Variants in CNST observed in about 807,000 individuals in gnomAD.
The protein encoded by CNST is consortin.
Under a neutral mutation model 72.4 loss-of-function variants are expected in CNST, and 39 were observed. That is an observed-to-expected ratio of 0.54 (90% CI 0.42 to 0.70). The LOEUF (loss-of-function observed/expected upper bound fraction) is 0.70, where lower values mean the gene tolerates loss of function less well. Among genes scored for constraint, CNST ranks in the 30% least tolerant of loss-of-function variants. CNST has a pLI of 0.00. For missense variants in CNST, 871 were observed against 868.5 expected, an observed-to-expected ratio of 1.00 and a Z score of -0.04; for synonymous variants, 332 against 320.1, an observed-to-expected ratio of 1.04 and a Z score of -0.40.
At chr1:246,636,534 T>G (rs1170611828) in intron 6 of CNST, among the ~76,000 whole-genome samples, 1 of 152,202 alleles carries the variant, frequency 6.6e-6, no homozygotes, top group Non-Finnish European at 1.5e-5. Context: ...ATACGTCTGC[T>G]TATGGTTTTT....
chr1:246,654,638 G>T (rs1666673323), intron 9 of CNST, among the ~76,000 whole-genome samples: 1 of 152,256 alleles, frequency 6.6e-6, no homozygotes, highest in East Asian at 1.9e-4. Context: ...TATATTCTCT[G>T]CAAAGCTAAT....
At chr1:246,659,320 T>A (rs12726739) in intron 9 of CNST, among the ~76,000 whole-genome samples, 1 of 151,856 alleles carries the variant, frequency 6.6e-6, no homozygotes, top group African/African-American at 2.4e-5. Flanking sequence ...CCAGGCCGGG[T>A]GCGGTGGCTC....
At chr1:246,619,588 AACTTG>A (rs1450715997) in intron 2 of CNST, among the ~76,000 whole-genome samples, 1 of 152,266 alleles carries the variant, frequency 6.6e-6, no homozygotes, top group African/African-American at 2.4e-5. Flanking sequence ...AGAGGAAAGT[AACTTG>A]ACTTCAAGCT....
chr1:246,585,611 C>A (rs1431184569), intron 1 of CNST, among the ~76,000 whole-genome samples: 11 of 144,546 alleles, frequency 7.6e-5, no homozygotes, highest in South Asian at 2.2e-4. Flanking sequence ...ACACCACTGC[C>A]TTCCAGCCTG....
At position 246,634,402 on chromosome 1, in the gene CNST, CTGTT is replaced by C. The variant is rs760530083; in HGVS notation, c.704-61_704-58del. ...AATCTTTATGAGTGGTGCTAGTTAA[CTGTT>C]TGTTTGTTTTTTTGCTCCTAAATAT... On this transcript the variant is annotated intron_variant, in intron 5 of 10. Transcript: ENST00000366513. 338 of 821,002 alleles carry C rather than the reference CTGTT, an allele frequency of 4.1e-4. 1 individual carries two copies. The highest frequency in any genetic ancestry group is 1.1e-3 in the Admixed American group (40 of 36,898). 50.9% of individuals were successfully genotyped at this position (821,002 alleles called of 1,614,324 possible).
In CNST at chr1:246,666,122, T is replaced by C; in HGVS notation, c.*217T>C. 1 of 541,898 alleles carries C rather than the reference T, an allele frequency of 1.8e-6. No individual in the cohort carries two copies. The highest frequency in any genetic ancestry group is 3.3e-6 in the Non-Finnish European group (1 of 302,438). 33.6% of individuals were successfully genotyped at this position (541,898 alleles called of 1,614,324 possible). On this transcript the variant is annotated 3_prime_UTR_variant, in exon 11 of 11. Coordinates refer to ENST00000366513, the MANE Select transcript of CNST (RefSeq NM_152609.3). The stretch of plus-strand genomic sequence containing the variant: ...ATCTAAGCATTGTGGATGGAAGGAA[T>C]GGTCTTTGGAGAGAGCATATCCATC...
chr1:246,652,320 C>A (rs1016722045), intron 9 of CNST, among the ~76,000 whole-genome samples: 5 of 152,126 alleles, frequency 3.3e-5, no homozygotes, highest in Admixed American at 3.3e-4. Context: ...ACTCAGAGTG[C>A]CAGGATGACC....
At chr1:246,629,984 G>A (rs1262151031) in intron 3 of CNST, among the ~76,000 whole-genome samples, 1 of 152,184 alleles carries the variant, frequency 6.6e-6, no homozygotes, top group African/African-American at 2.4e-5. Flanking sequence ...TGCCTGCTTC[G>A]GTCTCTCAAA....
At chr1:246,576,452 TTAATTGTGTTA>T (rs1366078207) in intron 1 of CNST, among the ~76,000 whole-genome samples, 1 of 60,788 alleles carries the variant, frequency 1.6e-5, no homozygotes, top group Admixed American at 1.7e-4. Flanking sequence ...TTGTTTTGGT[TTAATTGTGTTA>T]GAGTTAGAAG....
At chr1:246,596,640 A>G (rs902439615) in intron 2 of CNST, among the ~76,000 whole-genome samples, 14 of 152,210 alleles carry the variant, frequency 9.2e-5, no homozygotes, top group African/African-American at 3.4e-4. Flanking sequence ...GTATACTCAC[A>G]GGGATGTGTA....
chr1:246,566,761 C>T (rs1394035925), intron 1 of CNST, 98 bp downstream of exon 1: 2 of 398,672 alleles, frequency 5.0e-6, no homozygotes, highest in African/African-American at 2.1e-5. Context: ...GCGCTGTCCT[C>T]CTCCAGCCGC....
chr1:246,621,698 C>T lies in CNST; in HGVS notation c.585+64C>T. The T allele has an allele frequency of 2.2e-6, 3 of 1,391,308 alleles. No individual in the cohort carries two copies. In the South Asian group the frequency reaches 3.5e-5, roughly 16 times the overall value. The allele number at this position is 1,391,308 out of a possible 1,614,324, so 86.2% of individuals were successfully genotyped here. A position where few individuals can be genotyped will look rare whatever the true frequency, so the allele number is the denominator to read the frequency against. ...TTCCCCTAGCAGTGTTTGGAATGATCTAAAATGCTGTCTTGGCTGGGCGCA... is the reference window on the plus strand; with the variant it reads ...TTCCCCTAGCAGTGTTTGGAATGATTTAAAATGCTGTCTTGGCTGGGCGCA... On this transcript the variant is annotated intron_variant, in intron 3 of 10. Coordinates refer to ENST00000366513, the MANE Select transcript of CNST (RefSeq NM_152609.3).
At chr1:246,609,605 C>T (rs1558554914) in intron 2 of CNST, among the ~76,000 whole-genome samples, 1 of 152,164 alleles carries the variant, frequency 6.6e-6, no homozygotes, top group Non-Finnish European at 1.5e-5. Context: ...CATTGTCCTT[C>T]ACCCTCCTTT....
At chr1:246,657,343 C>A (rs961235969) in intron 9 of CNST, among the ~76,000 whole-genome samples, 1 of 151,962 alleles carries the variant, frequency 6.6e-6, no homozygotes, top group Non-Finnish European at 1.5e-5. Flanking sequence ...AAGACAGTTA[C>A]AACAGAAAGA....
intron 2 of CNST, chr1:246,606,760 G>T (rs1314676835): frequency 2.0e-5 from 3 of 151,956 alleles, no homozygotes; most frequent in Admixed American, 6.6e-5. Context: ...TTTTTCTCTG[G>T]TTATCATACG....
At chr1:246,613,698 T>TCTCCTCCTCTCCCTCTCTCCCC (rs1663494065) in intron 2 of CNST, among the ~76,000 whole-genome samples, 1 of 101,314 alleles carries the variant, frequency 9.9e-6, no homozygotes, top group Non-Finnish European at 2.0e-5. Context: ...CCTCTCTCCC[T>TCTCCTCCTCTCCCTCTCTCCCC]CTTCCCGTCT....
At chr1:246,643,949 T>C (rs1307257463) in intron 8 of CNST, among the ~76,000 whole-genome samples, 1 of 152,200 alleles carries the variant, frequency 6.6e-6, no homozygotes, top group African/African-American at 2.4e-5. Context: ...ACAGATAGTC[T>C]TTATTACTTA....
At chr1:246,595,753 G>GA (rs913625257) in intron 2 of CNST, among the ~76,000 whole-genome samples, 38 of 150,530 alleles carry the variant, frequency 2.5e-4, no homozygotes, top group African/African-American at 9.3e-4. Context: ...TAAAAATAAA[G>GA]AAAAAAAAGA....
At chr1:246,573,388 T>A (rs1366804429) in intron 1 of CNST, among the ~76,000 whole-genome samples, 1 of 152,224 alleles carries the variant, frequency 6.6e-6, no homozygotes, top group Non-Finnish European at 1.5e-5. Flanking sequence ...ATCTGTTAGA[T>A]CATATATTCA....
Sources: allele counts gnomAD v4.1 joint callset (sites outside exome capture counted in the v4.1 genomes callset), GRCh38; gene constraint gnomAD v4.1.1; transcripts MANE v1.5; gene names NCBI Gene and HGNC (gene_info 2026-07-23, HGNC 2026-07-21).